The following ZNRF2 variants were observed in gnomAD, a reference collection of about 807,000 sequenced individuals.
ZNRF2 encodes E3 ubiquitin-protein ligase ZNRF2.
A neutral mutation model predicts 20.4 loss-of-function variants in ZNRF2; 16 were observed. The ratio of observed to expected loss-of-function variants is 0.79; its 90% CI spans 0.53 to 1.19. The LOEUF is 1.19. Among genes scored for constraint, ZNRF2 ranks in the 50% most tolerant of loss-of-function variants. ZNRF2 has a pLI of 0.00. For missense variants in ZNRF2, 363 were observed against 332.4 expected, an observed-to-expected ratio of 1.09 and a Z score of -0.72; for synonymous variants, 178 against 144.9, an observed-to-expected ratio of 1.23 and a Z score of -1.64.
Position 30,285,732 on chromosome 7 carries a change from C to A in ZNRF2, c.375C>A (p.Gly125=). Residue 125 remains glycine, a synonymous_variant, in exon 1 of 5, where the codon GGC becomes GGA. Transcript: ENST00000323037. The stretch of plus-strand genomic sequence containing the variant: ...TGCACAGCAGCCCTGAGGACGGCGG[C>A]GGCGGCCGGGACCGGCCGGTGGGCG... The part of the protein sequence containing the change: ...DSVHSSPEDG[G]GGRDRPVGGS... 6.8e-7 allele frequency: 1 copy of A among 1,476,304 alleles called. No homozygotes were observed. The highest frequency in any genetic ancestry group is 8.9e-7 in the Non-Finnish European group (1 of 1,120,684). 91.5% of individuals were successfully genotyped at this position (1,476,304 alleles called of 1,614,324 possible). A position where few individuals can be genotyped will look rare whatever the true frequency, so the allele number is the denominator to read the frequency against.
intron 1 of ZNRF2, among the ~76,000 whole-genome samples, chr7:30,321,238 C>CT (rs1251657425): frequency 6.6e-6 from 1 of 151,930 alleles, no homozygotes; most frequent in Non-Finnish European, 1.5e-5. Context: ...TTTATTCAGT[C>CT]TTTCAGTCAG....
intron 1 of ZNRF2, among the ~76,000 whole-genome samples, chr7:30,288,343 T>C (rs1371961268): frequency 2.0e-5 from 3 of 152,250 alleles, no homozygotes; most frequent in African/African-American, 7.2e-5. Context: ...ACTGTTGTTT[T>C]AATTGTTGTT....
intron 1 of ZNRF2, among the ~76,000 whole-genome samples, chr7:30,322,877 G>T (rs1278774680): frequency 6.6e-6 from 1 of 152,182 alleles, no homozygotes; most frequent in African/African-American, 2.4e-5. Context: ...ACCTTGGTAA[G>T]TGAGGGGGCA....
intron 2 of ZNRF2, among the ~76,000 whole-genome samples, chr7:30,337,053 C>T (rs1346792255): frequency 6.6e-6 from 1 of 152,090 alleles, no homozygotes; most frequent in Non-Finnish European, 1.5e-5. Flanking sequence ...CCTACTGTGG[C>T]TGTGGTTTTA....
intron 2 of ZNRF2, among the ~76,000 whole-genome samples, chr7:30,334,550 T>C (rs142124146): frequency 1.3e-5 from 2 of 152,336 alleles, no homozygotes; most frequent in African/African-American, 4.8e-5. Context: ...TAGAATTGCA[T>C]TGAATGTGTA....
At chr7:30,305,001 A>G (rs1291650532) in intron 1 of ZNRF2, among the ~76,000 whole-genome samples, 1 of 152,052 alleles carries the variant, frequency 6.6e-6, no homozygotes, top group Non-Finnish European at 1.5e-5. Flanking sequence ...AATACTCAAA[A>G]CTTATGTCCT....
intron 1 of ZNRF2, among the ~76,000 whole-genome samples, chr7:30,295,048 A>AGT (rs1562603702): frequency 5.2e-3 from 412 of 79,002 alleles, no homozygotes; most frequent in Non-Finnish European, 7.1e-3. Flanking sequence ...AGAGAGAGAG[A>AGT]GAGTGTGTGT....
intron 1 of ZNRF2, among the ~76,000 whole-genome samples, chr7:30,292,444 A>C (rs1392271554): frequency 6.6e-6 from 1 of 152,210 alleles, no homozygotes; most frequent in African/African-American, 2.4e-5. Context: ...TACAGCAGTG[A>C]AGAAATAAGA....
intron 1 of ZNRF2, among the ~76,000 whole-genome samples, chr7:30,287,373 ATATT>A (rs1309196490): frequency 6.6e-6 from 1 of 152,216 alleles, no homozygotes; most frequent in Non-Finnish European, 1.5e-5. Context: ...TAGAAGATGA[ATATT>A]TAAGTTTGCT....
At chr7:30,332,623 G>T (rs1340724773) in intron 2 of ZNRF2, among the ~76,000 whole-genome samples, 1 of 152,134 alleles carries the variant, frequency 6.6e-6, no homozygotes, top group Non-Finnish European at 1.5e-5. Context: ...GAACATGGCT[G>T]TATTTGATTT....
At chr7:30,300,710 A>ACTT (rs1360040126) in intron 1 of ZNRF2, among the ~76,000 whole-genome samples, 6 of 152,210 alleles carry the variant, frequency 3.9e-5, no homozygotes, top group Non-Finnish European at 7.3e-5. Flanking sequence ...TATTTTTAGG[A>ACTT]TCATTGTTTC....
Position 30,361,934 on chromosome 7 carries a change from A to G in ZNRF2, c.672-443A>G, listed in dbSNP as rs1017920706. On this transcript the variant is annotated intron_variant, in intron 3 of 4. Coordinates refer to ENST00000323037, the MANE Select transcript of ZNRF2 (RefSeq NM_147128.4). ...TGGTGGGATAGGATTTAAATATTCA[A>G]TAATCACATATAAATATAGCTTTAA... Among the ~76,000 whole-genome samples, 11 of 152,350 alleles carry G rather than the reference A, an allele frequency of 7.2e-5. No homozygotes were observed. The South Asian group carries it at 1.9e-3, about 26-fold the overall frequency.
At chr7:30,324,300 G>A (rs935407654) in intron 2 of ZNRF2, among the ~76,000 whole-genome samples, 2 of 151,528 alleles carry the variant, frequency 1.3e-5, no homozygotes, top group African/African-American at 2.4e-5. Flanking sequence ...TTGGGAGGCC[G>A]AGGTAGGCAG....
chr7:30,294,147 T>C (rs1798965778), intron 1 of ZNRF2, among the ~76,000 whole-genome samples: 1 of 152,192 alleles, frequency 6.6e-6, no homozygotes, highest in Admixed American at 6.5e-5. Flanking sequence ...TTTTAATTTT[T>C]TCTACTGTTA....
intron 2 of ZNRF2, among the ~76,000 whole-genome samples, chr7:30,325,761 C>G (rs1265463872): frequency 2.6e-5 from 4 of 152,144 alleles, no homozygotes; most frequent in African/African-American, 9.7e-5. Flanking sequence ...TAAGCAGTTA[C>G]TTGGCATAAT....
intron 2 of ZNRF2, among the ~76,000 whole-genome samples, chr7:30,350,292 TC>T (rs1252215137): frequency 6.6e-6 from 1 of 151,814 alleles, no homozygotes; most frequent in Non-Finnish European, 1.5e-5. Flanking sequence ...TTTTAAAAAG[TC>T]ATCATCAAAA....
Position 30,350,881 on chromosome 7 carries a change from T to C in ZNRF2, c.566-4847T>C, listed in dbSNP as rs1015942197. ...AATAGCGCTTGGCGTTGTATTTTGC[T>C]GAAAAGATCATATACCTGTTTGGAT... On this transcript the variant is annotated intron_variant, in intron 2 of 4. Transcript: ENST00000323037. Among the ~76,000 whole-genome samples the C allele has an allele frequency of 3.9e-5, 6 of 152,188 alleles. No individual in the cohort carries two copies. In the East Asian group the frequency reaches 1.2e-3, roughly 29 times the overall value.
At position 30,285,441 on chromosome 7, in the gene ZNRF2, C is replaced by G. The variant is rs1352186120; in HGVS notation, c.84C>G (p.Ser28Arg). The G allele has an allele frequency of 5.1e-6, 6 of 1,185,836 alleles. No homozygotes were observed. The highest frequency in any genetic ancestry group is 8.9e-5 in the Admixed American group (2 of 22,390). 73.5% of individuals were successfully genotyped at this position (1,185,836 alleles called of 1,614,324 possible). A position where few individuals can be genotyped will look rare whatever the true frequency, so the allele number is the denominator to read the frequency against. The change falls in exon 1 of 5, where the codon AGC becomes AGG. Residue 28 changes from serine to arginine, a missense_variant. Ser to Arg is a moderately radical substitution (Grantham distance 110). Coordinates refer to ENST00000323037, the MANE Select transcript of ZNRF2 (RefSeq NM_147128.4). ...GCTCGGATCTACCTTCCAGTAGCAG[C>G]GGAGGCGCCAATGGGACCGCGGGCG... ...YSGSDLPSSSSGGANGTAGGG... is the reference protein window; with the variant it reads ...YSGSDLPSSSRGGANGTAGGG...
chr7:30,320,324 T>G (rs1179734016), intron 1 of ZNRF2, among the ~76,000 whole-genome samples: 1 of 152,122 alleles, frequency 6.6e-6, no homozygotes, highest in Non-Finnish European at 1.5e-5. Flanking sequence ...AAGATAACTA[T>G]ACAGAGAGAG....
Sources: gnomAD v4.1 joint callset for allele counts (sites outside exome capture counted in the v4.1 genomes callset) on GRCh38, gnomAD v4.1.1 for gene constraint, MANE v1.5 for transcripts, NCBI Gene and HGNC (gene_info 2026-07-23, HGNC 2026-07-21) for gene names.